Variants in UGGT2 observed in about 807,000 individuals in gnomAD.
UGGT2 encodes the protein UDP-glucose:glycoprotein glucosyltransferase 2.
Under a neutral mutation model 192.1 loss-of-function variants are expected in UGGT2, and 180 were observed. The observed-to-expected ratio is 0.94, with a 90% confidence interval of 0.83 to 1.06. UGGT2 has a LOEUF of 1.06. Ranked by LOEUF, UGGT2 falls within the 50% of genes least tolerant of loss-of-function variation. The probability of loss-of-function intolerance (pLI) is 0.00; values close to 1 mark genes in which losing one functional copy is unlikely to be tolerated. For missense variants in UGGT2, 1,849 were observed against 1,795.7 expected (o/e 1.03, Z -0.54); for synonymous variants, 580 against 591.0 (o/e 0.98, Z 0.27).
intron 29 of UGGT2, among the ~76,000 whole-genome samples, chr13:95,873,351 G>A (rs1476240713): frequency 6.6e-6 from 1 of 152,140 alleles, no homozygotes. Context: ...TTTTCTACTG[G>A]AATGAGTTTT....
intron 12 of UGGT2, among the ~76,000 whole-genome samples, chr13:95,958,594 CTTT>C (rs747029590): frequency 3.0e-5 from 4 of 131,274 alleles, no homozygotes; most frequent in African/African-American, 5.6e-5. Context: ...CCCTTAAGAT[CTTT>C]TTTTTTTTTT....
At chr13:95,909,601 GT>G (rs1475447678) in intron 20 of UGGT2, among the ~76,000 whole-genome samples, 1 of 109,344 alleles carries the variant, frequency 9.1e-6, no homozygotes, top group Non-Finnish European at 1.8e-5. Context: ...GGGGACTGTT[GT>G]GGGGTGGGGG....
intron 4 of UGGT2, among the ~76,000 whole-genome samples, chr13:96,017,675 G>A (rs1236850711): frequency 6.6e-6 from 1 of 152,012 alleles, no homozygotes; most frequent in Non-Finnish European, 1.5e-5. Context: ...TACAATAAAT[G>A]TTTTTTTAAG....
chr13:95,903,866 A>G (rs911669182), intron 20 of UGGT2, among the ~76,000 whole-genome samples: 19 of 152,312 alleles, frequency 1.2e-4, no homozygotes, highest in Non-Finnish European at 2.6e-4. Flanking sequence ...AGCCTAAGAA[A>G]CACTTTGTAT....
chr13:95,940,002 A>T lies in UGGT2; in HGVS notation c.1767T>A (p.Ile589=), dbSNP rs1415813922. The change falls in exon 16 of 39, where the codon ATT becomes ATA. Residue 589 remains isoleucine, a synonymous_variant. Coordinates refer to ENST00000376747, the MANE Select transcript of UGGT2 (RefSeq NM_020121.4). ...TAGAATGAATTCCCAAAATATCCCA[A>T]ATATTAGCATGAGGAAATGTATTTT... ...VLQNTFPHAN[I]WDILGIHSKY... is the part of the protein sequence containing the mutation. 2 of 1,601,098 alleles carry T rather than the reference A, an allele frequency of 1.2e-6. No homozygotes were observed. The highest frequency in any genetic ancestry group is 2.7e-5 in the African/African-American group (2 of 74,036).
intron 19 of UGGT2, 50 bp downstream of exon 19, chr13:95,926,978 A>G: frequency 6.7e-7 from 1 of 1,488,742 alleles, no homozygotes; most frequent in Non-Finnish European, 9.1e-7. Context: ...TATGAACATT[A>G]CAAGTTTCTA....
intron 5 of UGGT2, among the ~76,000 whole-genome samples, chr13:96,010,282 T>C (rs926800991): frequency 1.3e-5 from 2 of 152,204 alleles, no homozygotes; most frequent in South Asian, 4.1e-4. Context: ...GTGGTACATA[T>C]ACACCACGAA....
rs559957436 is a variant in UGGT2, at chr13:95,871,082, A to G, written c.3474-3659T>C. On this transcript the variant is annotated intron_variant, in intron 29 of 38. Transcript: ENST00000376747. ...ATGGCCTAAGACACCATCTAAACAA[A>G]AAATGAATGTGAAAATTAAAAGACA... Among the ~76,000 whole-genome samples the G allele has an allele frequency of 1.3e-3, 205 of 152,368 alleles. 1 individual carries two copies. Among genetic ancestry groups the G allele is most frequent in the Non-Finnish European group, 2.1e-3 (141 of 68,040 alleles).
At chr13:95,930,659 G>C (rs545773132) in intron 17 of UGGT2, among the ~76,000 whole-genome samples, 11 of 152,256 alleles carry the variant, frequency 7.2e-5, no homozygotes, top group African/African-American at 2.4e-4. Context: ...GGTTACTGTA[G>C]CCTCATAGTG....
rs2048083526 is a variant in UGGT2, at chr13:95,900,819, G to A, written c.2622C>T (p.Val874=). The A allele has an allele frequency of 6.2e-7, 1 of 1,608,738 alleles. No individual in the cohort carries two copies. Among genetic ancestry groups the A allele is most frequent in the South Asian group, 1.1e-5 (1 of 90,270 alleles). ...TTTTTCTACTTACTCTCCCATTGCT[G>A]ACAATACCCATTTCTCCAGGACGTA... ...LKLRPGEMGI[V]SNGRFLGPLD... The change falls in exon 22 of 39, where the codon GTC becomes GTT. Residue 874 remains valine (V), a synonymous_variant. Coordinates refer to ENST00000376747, the MANE Select transcript of UGGT2 (RefSeq NM_020121.4).
chr13:95,881,991 C>A (rs61972901), intron 27 of UGGT2, among the ~76,000 whole-genome samples: 4,190 of 152,008 alleles, frequency 0.028, 72 homozygotes, highest in Non-Finnish European at 0.034. Flanking sequence ...TCACTGCAAC[C>A]TCTACCTCCC....
intron 4 of UGGT2, among the ~76,000 whole-genome samples, chr13:96,018,739 GAAAAAAAAAAC>G (rs1282726696): frequency 1.4e-5 from 2 of 141,368 alleles, no homozygotes; most frequent in Non-Finnish European, 3.1e-5. Context: ...TGTTATAATT[GAAAAAAAAAAC>G]AAAAAAAACA....
Position 95,979,426 on chromosome 13 carries a change from T to C in UGGT2, c.1092+4378A>G, listed in dbSNP as rs372099367. 5.9e-5 allele frequency among the ~76,000 whole-genome samples: 9 copies of C among 152,010 alleles called. No individual in the cohort carries two copies. In the East Asian group the frequency reaches 1.5e-3, roughly 26 times the overall value. The stretch of plus-strand genomic sequence containing the variant: ...TGCCAATCCTGGCACCCTTCACCCG[T>C]TTCATCCCTGGCTCTTATAGGCAAA... On this transcript the variant is annotated intron_variant, in intron 10 of 38. Coordinates refer to ENST00000376747, the MANE Select transcript of UGGT2 (RefSeq NM_020121.4).
chr13:96,030,084 C>CG (rs2052787428), intron 2 of UGGT2, among the ~76,000 whole-genome samples: 1 of 152,112 alleles, frequency 6.6e-6, no homozygotes, highest in Non-Finnish European at 1.5e-5. Flanking sequence ...TGAAAGTAAA[C>CG]ATTACTAAGT....
chr13:95,831,442 C>G (rs977006374), intron 38 of UGGT2, among the ~76,000 whole-genome samples: 1 of 152,002 alleles, frequency 6.6e-6, no homozygotes, highest in Non-Finnish European at 1.5e-5. Flanking sequence ...GCTGCCAGCA[C>G]AAATACATTT....
chr13:95,976,658 C>G (rs1454667713), intron 10 of UGGT2, among the ~76,000 whole-genome samples: 1 of 152,094 alleles, frequency 6.6e-6, no homozygotes, highest in Non-Finnish European at 1.5e-5. Flanking sequence ...AATGCTATTC[C>G]CATCAAGCTA....
intron 36 of UGGT2, among the ~76,000 whole-genome samples, chr13:95,844,335 T>A (rs550695159): frequency 1.3e-5 from 2 of 152,308 alleles, no homozygotes; most frequent in East Asian, 3.9e-4. Context: ...TACAAGAAAG[T>A]CTAATAAATA....
chr13:96,045,191 C>G (rs2053272212), intron 1 of UGGT2, among the ~76,000 whole-genome samples: 1 of 152,044 alleles, frequency 6.6e-6, no homozygotes, highest in African/African-American at 2.4e-5. Flanking sequence ...ATAGGCAAGT[C>G]AATAAATGTG....
intron 20 of UGGT2, among the ~76,000 whole-genome samples, chr13:95,911,738 G>T (rs12875548): frequency 6.6e-6 from 1 of 152,040 alleles, no homozygotes; most frequent in East Asian, 1.9e-4. Context: ...CAACTTATGA[G>T]GCCAATATCA....
Sources: allele counts gnomAD v4.1 joint callset (sites outside exome capture counted in the v4.1 genomes callset), GRCh38; gene constraint gnomAD v4.1.1; transcripts MANE v1.5; gene names NCBI Gene and HGNC (gene_info 2026-07-23, HGNC 2026-07-21).